The following OPCML variants were observed in gnomAD, a reference collection of about 807,000 sequenced individuals.
The protein encoded by OPCML is opioid-binding protein/cell adhesion molecule.
In OPCML, 13 loss-of-function variants were observed where a neutral mutation model predicts 37.8. The ratio of observed to expected loss-of-function variants is 0.34; its 90% CI spans 0.22 to 0.55. OPCML has a LOEUF of 0.55. Among genes scored for constraint, OPCML ranks in the 20% least tolerant of loss-of-function variants. The probability of loss-of-function intolerance (pLI) is 0.91; values close to 1 mark genes in which losing one functional copy is unlikely to be tolerated. For synonymous variants in OPCML, 176 were observed against 168.8 expected, an observed-to-expected ratio of 1.04 and a Z score of -0.33; for missense variants, 341 against 435.6, an observed-to-expected ratio of 0.78 and a Z score of 1.93.
rs1946755015 is a variant in OPCML at position 133,458,479 on chromosome 11, T to TATAC, written c.61+73781_61+73784dup. ...ATACACATATATACACGTGTGTGTA[T>TATAC]ATACACATATATACACGTGTGTGTG... On this transcript the variant is annotated intron_variant, in intron 1 of 7. Transcript: ENST00000524381. Among the ~76,000 whole-genome samples, 3 of 135,648 alleles carry TATAC rather than the reference T, an allele frequency of 2.2e-5. 1 individual carries two copies. Among genetic ancestry groups the TATAC allele is most frequent in the East Asian group, 2.1e-4 (1 of 4,688 alleles). The allele number at this position is 135,648 out of a possible 152,430, so 89.0% of individuals were successfully genotyped here.
At chr11:132,631,814 A>C (rs1470333929) in intron 3 of OPCML, among the ~76,000 whole-genome samples, 1 of 152,176 alleles carries the variant, frequency 6.6e-6, no homozygotes, top group Non-Finnish European at 1.5e-5. Context: ...TAAAAGCACA[A>C]GACAGGTAGT....
chr11:132,717,462 A>C (rs961952790), intron 2 of OPCML, among the ~76,000 whole-genome samples: 4 of 152,198 alleles, frequency 2.6e-5, no homozygotes, highest in Admixed American at 2.6e-4. Context: ...TAGTATGCAA[A>C]CATCACTGCC....
chr11:132,809,828 T>C (rs1023112725), intron 2 of OPCML, among the ~76,000 whole-genome samples: 2 of 151,676 alleles, frequency 1.3e-5, no homozygotes, highest in African/African-American at 4.8e-5. Flanking sequence ...TCCATCTTCT[T>C]CTTGTTTATT....
At chr11:132,651,462 C>T (rs762191807) in intron 3 of OPCML, among the ~76,000 whole-genome samples, 3 of 152,176 alleles carry the variant, frequency 2.0e-5, no homozygotes, top group African/African-American at 4.8e-5. Context: ...AGCTTAACCT[C>T]GATGAGTAAG....
chr11:133,234,891 C>T (rs569160142), intron 1 of OPCML, among the ~76,000 whole-genome samples: 2 of 152,164 alleles, frequency 1.3e-5, no homozygotes, highest in African/African-American at 2.4e-5. Flanking sequence ...AAAGTCCAGG[C>T]TCGTCTCTGG....
intron 1 of OPCML, among the ~76,000 whole-genome samples, chr11:133,329,308 A>T (rs1041672332): frequency 4.1e-4 from 62 of 152,268 alleles, no homozygotes; most frequent in Non-Finnish European, 5.7e-4. Context: ...ACCAATGACT[A>T]TCTTCACAGA....
chr11:132,587,892 C>A lies in OPCML; in HGVS notation c.380-58706G>T, dbSNP rs913687873. ...ACCAAAGAGTAGAAGTAGGAGCTAC[C>A]CTGATTACCATCTACCCTAGTGATT... On this transcript the variant is annotated intron_variant, in intron 3 of 7. Coordinates refer to ENST00000524381, the MANE Select transcript of OPCML (RefSeq NM_001012393.5). Among the ~76,000 whole-genome samples, 6 of 152,164 alleles carry A rather than the reference C, an allele frequency of 3.9e-5. No homozygotes were observed. The South Asian group carries it at 8.3e-4, about 21-fold the overall frequency.
At chr11:132,449,550 C>G (rs2096063508) in intron 4 of OPCML, among the ~76,000 whole-genome samples, 1 of 152,136 alleles carries the variant, frequency 6.6e-6, no homozygotes. Flanking sequence ...TAATCCTTCC[C>G]AACCAGATAC....
Position 132,731,290 on chromosome 11 carries a change from G to C in OPCML, c.147-73971C>G, listed in dbSNP as rs141531602. 4.3e-3 allele frequency among the ~76,000 whole-genome samples: 648 copies of C among 152,328 alleles called. 18 individuals carry two copies. Among genetic ancestry groups the C allele is most frequent in the Admixed American group, 0.037 (563 of 15,296 alleles). ...GAAAGTCAGGACAATGAGTGGTTTA[G>C]GAATGAATATGGACCCAAACCAAAT... is the stretch of plus-strand genomic sequence containing the variant. On this transcript the variant is annotated intron_variant, in intron 2 of 7. Coordinates refer to ENST00000524381, the MANE Select transcript of OPCML (RefSeq NM_001012393.5).
Position 133,156,805 on chromosome 11 carries a change from C to A in OPCML, c.62-213795G>T, listed in dbSNP as rs60274486. On this transcript the variant is annotated intron_variant, in intron 1 of 7. Coordinates refer to ENST00000524381, the MANE Select transcript of OPCML (RefSeq NM_001012393.5). The stretch of plus-strand genomic sequence containing the variant: ...AACTAAAATTAAAAATAACACCAAG[C>A]AAGCAGAACAAAAAGTAGAGTTTCG... Among the ~76,000 whole-genome samples, 1,319 of 152,220 alleles carry A rather than the reference C, an allele frequency of 8.7e-3. 16 individuals carry two copies. Among genetic ancestry groups the A allele is most frequent in the African/African-American group, 0.031 (1,276 of 41,530 alleles).
chr11:133,168,835 C>T (rs572212392), intron 1 of OPCML, among the ~76,000 whole-genome samples: 2 of 152,264 alleles, frequency 1.3e-5, no homozygotes, highest in South Asian at 4.1e-4. Flanking sequence ...GAGAAAGTAA[C>T]TATTATTATT....
chr11:132,455,675 T>G (rs1428695951), intron 4 of OPCML, among the ~76,000 whole-genome samples: 4 of 152,302 alleles, frequency 2.6e-5, no homozygotes, highest in Middle Eastern at 3.4e-3. Context: ...CATTCCAGAC[T>G]CAAAAGCAGT....
chr11:133,068,025 CAAT>C (rs1332538583), intron 1 of OPCML: 1 of 152,200 alleles, frequency 6.6e-6, no homozygotes, highest in Non-Finnish European at 1.5e-5. Flanking sequence ...TAAATTTTAA[CAAT>C]AATAATGCAT....
At chr11:132,857,038 A>T (rs1215797910) in intron 2 of OPCML, among the ~76,000 whole-genome samples, 3 of 152,164 alleles carry the variant, frequency 2.0e-5, no homozygotes, top group Non-Finnish European at 4.4e-5. Context: ...GCAAGAATTG[A>T]ATTGCTGCAG....
intron 3 of OPCML, among the ~76,000 whole-genome samples, chr11:132,589,444 G>T (rs967878988): frequency 1.3e-5 from 2 of 152,188 alleles, no homozygotes; most frequent in African/African-American, 2.4e-5. Flanking sequence ...ACTGAATCAT[G>T]ATCCCTGTCC....
chr11:132,803,043 GTCGTTT>G (rs1182665816), intron 2 of OPCML, among the ~76,000 whole-genome samples: 1 of 152,118 alleles, frequency 6.6e-6, no homozygotes, highest in Non-Finnish European at 1.5e-5. Context: ...ACAAGCAACT[GTCGTTT>G]TCATGTTTTG....
chr11:132,462,542 T>G (rs1366795549), intron 4 of OPCML, among the ~76,000 whole-genome samples: 1 of 152,188 alleles, frequency 6.6e-6, no homozygotes, highest in African/African-American at 2.4e-5. Flanking sequence ...GAGATGATGA[T>G]TTATAATATC....
chr11:132,815,018 C>T lies in OPCML; in HGVS notation c.146+127908G>A, dbSNP rs542256481. 3.3e-5 allele frequency among the ~76,000 whole-genome samples: 5 copies of T among 152,274 alleles called. No homozygotes were observed. In the South Asian group the frequency reaches 1.0e-3, roughly 32 times the overall value. ...TCTTTATTGTGAACTTAAAAGCCAT[C>T]TTTCCCCAAAGAGCTTAGTTTCATT... On this transcript the variant is annotated intron_variant, in intron 2 of 7. Coordinates refer to ENST00000524381, the MANE Select transcript of OPCML (RefSeq NM_001012393.5).
Position 132,542,641 on chromosome 11 carries a change from C to G in OPCML, c.380-13455G>C, listed in dbSNP as rs1347662238. 2.6e-5 allele frequency among the ~76,000 whole-genome samples: 4 copies of G among 152,268 alleles called. No homozygotes were observed. In the East Asian group the frequency reaches 7.8e-4, roughly 30 times the overall value. On this transcript the variant is annotated intron_variant, in intron 3 of 7. Transcript: ENST00000524381. ...CACCATGAACATCCACCCTCACCCC[C>G]CACACCCAGAGCTTTCCAATGATGA...
Sources: gnomAD v4.1 joint callset for allele counts (sites outside exome capture counted in the v4.1 genomes callset) on GRCh38, gnomAD v4.1.1 for gene constraint, MANE v1.5 for transcripts, NCBI Gene and HGNC (gene_info 2026-07-23, HGNC 2026-07-21) for gene names.